Variants in FGF12 observed in about 807,000 individuals in gnomAD.
FGF12 encodes fibroblast growth factor 12B.
Under a neutral mutation model 23.6 loss-of-function variants are expected in FGF12, and 14 were observed. The ratio of observed to expected loss-of-function variants is 0.59; its 90% CI spans 0.39 to 0.93. The LOEUF (loss-of-function observed/expected upper bound fraction) is 0.93. Ranked by LOEUF, FGF12 falls within the 40% of genes least tolerant of loss-of-function variation. The probability of loss-of-function intolerance (pLI) is 0.00; values close to 1 mark genes in which losing one functional copy is unlikely to be tolerated. For missense variants in FGF12, 175 were observed against 217.8 expected (o/e 0.80, Z 1.24); for synonymous variants, 62 against 77.3 (o/e 0.80, Z 1.04).
intron 4 of FGF12, among the ~76,000 whole-genome samples, chr3:192,231,804 G>A (rs1008497670): frequency 4.0e-5 from 6 of 151,196 alleles, no homozygotes; most frequent in African/African-American, 1.2e-4. Context: ...TAGTTACTAC[G>A]TTCAATAGGA....
intron 4 of FGF12, among the ~76,000 whole-genome samples, chr3:192,209,963 T>TA (rs201335099): frequency 0.055 from 8,324 of 152,114 alleles, 288 homozygotes; most frequent in South Asian, 0.082. Flanking sequence ...TGATTAAAGA[T>TA]AAAAAAAATA....
intron 4 of FGF12, among the ~76,000 whole-genome samples, chr3:192,180,216 T>C (rs1231911276): frequency 6.6e-6 from 1 of 152,196 alleles, no homozygotes; most frequent in Non-Finnish European, 1.5e-5. Context: ...TGAGGCATTA[T>C]ACCACAATAC....
chr3:192,289,726 T>C (rs528142113), intron 4 of FGF12, among the ~76,000 whole-genome samples: 61 of 152,258 alleles, frequency 4.0e-4, no homozygotes, highest in Middle Eastern at 3.4e-3. Flanking sequence ...TTTCTAAGTT[T>C]GTAGTTAATA....
At chr3:192,651,292 G>C (rs1577099640) in intron 2 of FGF12, among the ~76,000 whole-genome samples, 1 of 152,184 alleles carries the variant, frequency 6.6e-6, no homozygotes, top group East Asian at 1.9e-4. Context: ...CCAGTCATAT[G>C]AACCTGGACA....
At chr3:192,405,739 G>T (rs1006484532) in intron 2 of FGF12, among the ~76,000 whole-genome samples, 24 of 152,218 alleles carry the variant, frequency 1.6e-4, no homozygotes, top group Non-Finnish European at 1.8e-4. Context: ...TGTGGAAGGT[G>T]CTATCTCTCT....
intron 2 of FGF12, among the ~76,000 whole-genome samples, chr3:192,702,178 G>A (rs1577130152): frequency 6.6e-6 from 1 of 152,178 alleles, no homozygotes; most frequent in South Asian, 2.1e-4. Context: ...GTTCATCCAT[G>A]TTGTCACAAA....
intron 5 of FGF12, among the ~76,000 whole-genome samples, chr3:192,158,855 G>A (rs991715492): frequency 3.3e-5 from 5 of 151,944 alleles, no homozygotes; most frequent in South Asian, 4.2e-4. Context: ...CTGCCCCCAC[G>A]TGTTCTGACT....
intron 5 of FGF12, among the ~76,000 whole-genome samples, chr3:192,158,403 T>TTC (rs1207424094): frequency 0.024 from 1,092 of 46,354 alleles, 35 homozygotes; most frequent in African/African-American, 0.091. Flanking sequence ...CTCTCTTTCT[T>TTC]TTTCTTTCTT....
intron 4 of FGF12, among the ~76,000 whole-genome samples, chr3:192,220,773 G>C (rs1447261715): frequency 1.9e-4 from 29 of 152,108 alleles, no homozygotes; most frequent in Admixed American, 1.9e-3. Flanking sequence ...AGAAATTTGG[G>C]GGTATAAATA....
At chr3:192,455,438 G>T (rs914726161) in intron 2 of FGF12, among the ~76,000 whole-genome samples, 3 of 152,136 alleles carry the variant, frequency 2.0e-5, no homozygotes, top group Non-Finnish European at 4.4e-5. Context: ...AGGAAACTCT[G>T]CATCAACATG....
At chr3:192,181,064 T>A (rs1465217235) in intron 4 of FGF12, among the ~76,000 whole-genome samples, 1 of 152,130 alleles carries the variant, frequency 6.6e-6, no homozygotes, top group Non-Finnish European at 1.5e-5. Context: ...CTGTGGATCC[T>A]GGGTTTACAG....
intron 2 of FGF12, among the ~76,000 whole-genome samples, chr3:192,375,008 A>G (rs1719413676): frequency 6.6e-6 from 1 of 152,164 alleles, no homozygotes; most frequent in Non-Finnish European, 1.5e-5. Flanking sequence ...TAGCCTTCCT[A>G]TTCATATTTT....
intron 2 of FGF12, among the ~76,000 whole-genome samples, chr3:192,399,453 G>A (rs570878309): frequency 6.6e-6 from 1 of 152,312 alleles, no homozygotes; most frequent in East Asian, 1.9e-4. Flanking sequence ...TGTTGTTTAA[G>A]CCACCTGTGC....
intron 5 of FGF12, among the ~76,000 whole-genome samples, chr3:192,161,456 CTGAT>C (rs781600149): frequency 6.6e-6 from 1 of 151,312 alleles, no homozygotes; most frequent in Non-Finnish European, 1.5e-5. Context: ...ACACACACAA[CTGAT>C]TAAGTAACTA....
At chr3:192,299,025 G>A (rs1410413774) in intron 4 of FGF12, among the ~76,000 whole-genome samples, 3 of 152,156 alleles carry the variant, frequency 2.0e-5, no homozygotes, top group Non-Finnish European at 4.4e-5. Flanking sequence ...GTGCTTCCAC[G>A]ACCTGAACAC....
At chr3:192,576,522 A>G (rs1560156138) in intron 2 of FGF12, among the ~76,000 whole-genome samples, 1 of 152,210 alleles carries the variant, frequency 6.6e-6, no homozygotes, top group Admixed American at 6.5e-5. Flanking sequence ...AATGTCTTAG[A>G]AAGGTACTGA....
intron 4 of FGF12, among the ~76,000 whole-genome samples, chr3:192,176,432 A>C (rs141239723): frequency 3.3e-5 from 5 of 152,318 alleles, no homozygotes; most frequent in Non-Finnish European, 7.4e-5. Context: ...AATCCTCTTC[A>C]ATGCTTTTTA....
intron 2 of FGF12, among the ~76,000 whole-genome samples, chr3:192,465,979 T>A (rs1475031426): frequency 6.6e-6 from 1 of 152,194 alleles, no homozygotes; most frequent in African/African-American, 2.4e-5. Flanking sequence ...CATTGCTTAA[T>A]GACTGGAAGA....
At chr3:192,446,115 T>C (rs1722346254) in intron 2 of FGF12, among the ~76,000 whole-genome samples, 1 of 152,234 alleles carries the variant, frequency 6.6e-6, no homozygotes. Context: ...CTCGAATTCA[T>C]GCCTGTCATT....
Sources: gnomAD v4.1 joint callset for allele counts (sites outside exome capture counted in the v4.1 genomes callset) on GRCh38, gnomAD v4.1.1 for gene constraint, MANE v1.5 for transcripts, NCBI Gene and HGNC (gene_info 2026-07-23, HGNC 2026-07-21) for gene names.